Variants in GPC6 observed in about 807,000 individuals in gnomAD.
The protein encoded by GPC6 is glypican-6.
Under a neutral mutation model 55.2 loss-of-function variants are expected in GPC6, and 14 were observed. The ratio of observed to expected loss-of-function variants is 0.25; its 90% CI spans 0.17 to 0.40. GPC6 has a LOEUF of 0.40. Ranked by LOEUF, GPC6 falls within the 10% of genes least tolerant of loss-of-function variation. The pLI is 1.00. For synonymous variants in GPC6, 278 were observed against 259.6 expected (o/e 1.07, Z -0.68); for missense variants, 641 against 708.5 (o/e 0.90, Z 1.08).
intron 1 of GPC6, among the ~76,000 whole-genome samples, chr13:93,294,114 G>A (rs1195703323): frequency 2.0e-5 from 3 of 152,110 alleles, no homozygotes; most frequent in Admixed American, 2.0e-4. Flanking sequence ...ACAAGAAATA[G>A]TGAATTATTT....
At chr13:93,634,413 G>T (rs1355844704) in intron 2 of GPC6, among the ~76,000 whole-genome samples, 1 of 152,126 alleles carries the variant, frequency 6.6e-6, no homozygotes. Context: ...AAGGTGCCAG[G>T]TTAGGTTTTT....
intron 2 of GPC6, among the ~76,000 whole-genome samples, chr13:93,806,083 T>G (rs9524229): frequency 0.38 from 57,265 of 151,650 alleles, 11,689 homozygotes; most frequent in African/African-American, 0.54. Flanking sequence ...CAGTATTAAA[T>G]CAGCTACACA....
intron 2 of GPC6, among the ~76,000 whole-genome samples, chr13:93,613,530 A>AAACACAC (rs1878582772): frequency 4.0e-4 from 56 of 140,000 alleles, no homozygotes; most frequent in African/African-American, 1.6e-3. Context: ...ACACACACAA[A>AAACACAC]ACACACACAC....
chr13:93,618,223 ATATT>A (rs1481704300), intron 2 of GPC6, among the ~76,000 whole-genome samples: 3 of 152,092 alleles, frequency 2.0e-5, no homozygotes, highest in Non-Finnish European at 4.4e-5. Flanking sequence ...ACACATATGT[ATATT>A]TATGTATGTA....
At chr13:93,674,803 T>A (rs1003006047) in intron 2 of GPC6, among the ~76,000 whole-genome samples, 27 of 151,812 alleles carry the variant, frequency 1.8e-4, no homozygotes, top group African/African-American at 6.5e-4. Flanking sequence ...GTAATTGCTT[T>A]AGTTGCTTGT....
chr13:94,377,527 A>AT (rs1477289124), intron 6 of GPC6, among the ~76,000 whole-genome samples: 2 of 149,704 alleles, frequency 1.3e-5, no homozygotes, highest in East Asian at 3.9e-4. Flanking sequence ...AATGGCAATC[A>AT]TTAAAAAGTC....
chr13:93,725,826 G>A (rs367888332), intron 2 of GPC6, among the ~76,000 whole-genome samples: 34 of 152,096 alleles, frequency 2.2e-4, no homozygotes, highest in African/African-American at 7.7e-4. Flanking sequence ...TTCCACACAT[G>A]CACTATTAAA....
intron 5 of GPC6, among the ~76,000 whole-genome samples, chr13:94,304,089 G>A (rs1389503317): frequency 1.3e-5 from 2 of 152,240 alleles, no homozygotes; most frequent in African/African-American, 4.8e-5. Flanking sequence ...CCCTCCATCA[G>A]CAGCGACCTT....
chr13:93,502,532 G>C (rs75352681), intron 1 of GPC6, among the ~76,000 whole-genome samples: 238 of 152,192 alleles, frequency 1.6e-3, no homozygotes, highest in African/African-American at 5.6e-3. Context: ...AGACAAATGT[G>C]AAATTACCAA....
chr13:93,939,163 T>C (rs996383256), intron 3 of GPC6, among the ~76,000 whole-genome samples: 2 of 150,932 alleles, frequency 1.3e-5, no homozygotes, highest in Non-Finnish European at 3.0e-5. Flanking sequence ...GAAGGAGCAA[T>C]TGAGCAGTTG....
chr13:93,427,266 G>T (rs9516232), intron 1 of GPC6, among the ~76,000 whole-genome samples: 47,400 of 151,314 alleles, frequency 0.31, 9,009 homozygotes, highest in Non-Finnish European at 0.45. Flanking sequence ...AGTTCATATG[G>T]AACCAAAAAA....
intron 2 of GPC6, among the ~76,000 whole-genome samples, chr13:93,572,380 G>A (rs1876450804): frequency 6.6e-6 from 1 of 152,096 alleles, no homozygotes. Context: ...TGAGAACTTG[G>A]AATGATATAT....
At chr13:93,612,544 A>AC (rs1555316453) in intron 2 of GPC6, among the ~76,000 whole-genome samples, 4 of 71,082 alleles carry the variant, frequency 5.6e-5, no homozygotes, top group East Asian at 7.2e-4. Flanking sequence ...CACACACACA[A>AC]ACTTCATGTG....
chr13:94,349,478 T>C (rs1234665052), intron 6 of GPC6, among the ~76,000 whole-genome samples: 1 of 152,186 alleles, frequency 6.6e-6, no homozygotes, highest in Non-Finnish European at 1.5e-5. Flanking sequence ...CAAAGATAGA[T>C]GGATCCACAT....
intron 4 of GPC6, among the ~76,000 whole-genome samples, chr13:94,264,648 G>A (rs1891742592): frequency 6.6e-6 from 1 of 152,196 alleles, no homozygotes; most frequent in South Asian, 2.1e-4. Flanking sequence ...AAGCTGAGAG[G>A]AAGAAGCTCT....
chr13:93,871,212 T>G (rs1889122983), intron 3 of GPC6, among the ~76,000 whole-genome samples: 1 of 151,970 alleles, frequency 6.6e-6, no homozygotes, highest in African/African-American at 2.4e-5. Context: ...ACAATTTGTC[T>G]GAACTTTGGC....
intron 1 of GPC6, among the ~76,000 whole-genome samples, chr13:93,464,867 A>T (rs963035431): frequency 1.1e-4 from 16 of 152,224 alleles, no homozygotes; most frequent in African/African-American, 3.9e-4. Flanking sequence ...TGTATTTCTT[A>T]AATAATAAGA....
intron 2 of GPC6, among the ~76,000 whole-genome samples, chr13:93,728,324 C>T (rs1883714874): frequency 6.6e-6 from 1 of 151,916 alleles, no homozygotes; most frequent in Non-Finnish European, 1.5e-5. Context: ...TCAAGTAATT[C>T]TCTGACCTGA....
intron 5 of GPC6, among the ~76,000 whole-genome samples, chr13:94,304,875 C>T (rs1875862272): frequency 6.6e-6 from 1 of 152,204 alleles, no homozygotes; most frequent in African/African-American, 2.4e-5. Flanking sequence ...ATATGGATTT[C>T]ATCCACATTT....
Sources: allele counts gnomAD v4.1 joint callset (sites outside exome capture counted in the v4.1 genomes callset), GRCh38; gene constraint gnomAD v4.1.1; transcripts MANE v1.5; gene names NCBI Gene and HGNC (gene_info 2026-07-23, HGNC 2026-07-21).